The following RHBDF1 variants were observed in gnomAD, a reference collection of about 807,000 sequenced individuals.
RHBDF1 encodes rhomboid 5 homolog 1.
Under a neutral mutation model 98.6 loss-of-function variants are expected in RHBDF1, and 80 were observed. That is an observed-to-expected ratio of 0.81 (90% CI 0.68 to 0.98). The LOEUF (loss-of-function observed/expected upper bound fraction) is 0.98, where lower values mean the gene tolerates loss of function less well. Among genes scored for constraint, RHBDF1 ranks in the 50% least tolerant of loss-of-function variants. The pLI is 0.00. For missense variants in RHBDF1, 1,116 were observed against 1,198.3 expected (o/e 0.93, Z 1.01); for synonymous variants, 512 against 486.8 (o/e 1.05, Z -0.68).
intron 12 of RHBDF1, 62 bp from the exon 13 acceptor site, chr16:60,341 C>A: frequency 6.2e-7 from 1 of 1,607,336 alleles, no homozygotes; most frequent in Non-Finnish European, 8.5e-7. Flanking sequence ...ACCCTTCCAG[C>A]CAAGTCGCCA....
chr16:69,341 G>T (rs1897912595), intron 1 of RHBDF1, among the ~76,000 whole-genome samples: 2 of 152,132 alleles, frequency 1.3e-5, no homozygotes, highest in African/African-American at 2.4e-5. Context: ...CGGCGGAGTT[G>T]ACTGCCAACC....
chr16:65,116 G>A (rs1897794392), intron 1 of RHBDF1, 77 bp from the exon 2 acceptor site: 8 of 1,445,270 alleles, frequency 5.5e-6, no homozygotes, highest in South Asian at 1.5e-5. Context: ...CCGGGAGGAG[G>A]GAGAAGCAGT....
rs1898008013 is a variant in RHBDF1, at chr16:72,604, C to T, written c.-116G>A. On this transcript the variant is annotated 5_prime_UTR_variant, in exon 1 of 18. Transcript: ENST00000262316. ...AGGGCCCGCGCCGAGTCCCCGCCCG[C>T]CCGCCGGTCCGGCCCGCCCGGGAAT... 1.0e-6 allele frequency: 1 copy of T among 977,614 alleles called. No homozygotes were observed. The highest frequency in any genetic ancestry group is 1.8e-5 in the African/African-American group (1 of 56,628). 60.6% of individuals were successfully genotyped at this position (977,614 alleles called of 1,614,324 possible).
Position 59,107 on chromosome 16 carries a change from G to T in RHBDF1, c.2015C>A (p.Ser672Tyr), listed in dbSNP as rs756946244. The T allele has an allele frequency of 6.2e-7, 1 of 1,613,568 alleles. No individual in the cohort carries two copies. The highest frequency in any genetic ancestry group is 1.3e-5 in the African/African-American group (1 of 75,044). ...LHAGILHCLV[S>Y]ICFQMTVLRD... ...CAGGACAGTCATCTGGAAGCAGATG[G>T]ACACCAGGCAGTGCAAGATCCTGTA... The change falls in exon 17 of 18, where the codon TCC becomes TAC. Residue 672 changes from serine (S) to tyrosine (Y), a missense_variant. Ser to Tyr is a moderately radical substitution (Grantham distance 144). Transcript: ENST00000262316.
At chr16:63,461 G>A in intron 4 of RHBDF1, 126 bp downstream of exon 4, 3 of 845,704 alleles carry the variant, frequency 3.5e-6, no homozygotes, top group Non-Finnish European at 5.4e-6. Context: ...CGAGCAGGCT[G>A]TCTGACTGCC....
chr16:65,827 C>T (rs564265109), intron 1 of RHBDF1, among the ~76,000 whole-genome samples: 1 of 152,224 alleles, frequency 6.6e-6, no homozygotes, highest in African/African-American at 2.4e-5. Flanking sequence ...ACCACCCGGG[C>T]GCAGACACCG....
chr16:62,689 T>C lies in RHBDF1; in HGVS notation c.802A>G (p.Ile268Val). ...LDTSFFAREG[I>V]LHEELSTYPD... ...TATGTGGACAGCTCTTCATGGAGGA[T>C]ACCTTCCTGAGCAAACACATGAGGT... Residue 268 changes from isoleucine (I) to valine (V), a missense_variant, in exon 7 of 18, where the codon ATC (isoleucine) becomes GTC (valine). Coordinates refer to ENST00000262316, the MANE Select transcript of RHBDF1 (RefSeq NM_022450.5). 6.2e-7 allele frequency: 1 copy of C among 1,614,102 alleles called. No individual in the cohort carries two copies. Among genetic ancestry groups the C allele is most frequent in the Non-Finnish European group, 8.5e-7 (1 of 1,180,014 alleles).
At chr16:61,336 C>A in intron 10 of RHBDF1, 49 bp downstream of exon 10, 2 of 1,543,888 alleles carry the variant, frequency 1.3e-6, no homozygotes, top group South Asian at 1.2e-5. Context: ...CCCCGCCGGG[C>A]ACCTCCAGGT....
At chr16:69,298 C>T (rs753204264) in intron 1 of RHBDF1, among the ~76,000 whole-genome samples, 2 of 152,168 alleles carry the variant, frequency 1.3e-5, no homozygotes, top group South Asian at 4.1e-4. Context: ...CTGCCCTGCA[C>T]ACTCACAGGA....
chr16:64,903 A>G lies in RHBDF1; in HGVS notation c.113T>C (p.Leu38Pro). ...TCCCTGCAGGCCAGGGCCTACCTGCAGGAAGCTGGGCTCTTCTGCCGTCAG... is the reference window on the plus strand; with the variant it reads ...TCCCTGCAGGCCAGGGCCTACCTGCGGGAAGCTGGGCTCTTCTGCCGTCAG... ...VPLTAEEPSFLQPLRRQAFLR... is the reference protein window; with the variant it reads ...VPLTAEEPSFPQPLRRQAFLR... The change falls in exon 2 of 18, where the codon CTG becomes CCG. Residue 38 changes from leucine to proline, a missense_variant. Physicochemically the swap from Leu to Pro is moderately conservative, Grantham distance 98. Transcript: ENST00000262316. 6.2e-7 allele frequency: 1 copy of G among 1,610,202 alleles called. No homozygotes were observed. The highest frequency in any genetic ancestry group is 1.1e-5 in the South Asian group (1 of 90,936).
rs139694399 is a variant in RHBDF1, at chr16:63,499, C to T, written c.462+88G>A. On this transcript the variant is annotated intron_variant, in intron 4 of 17. Transcript: ENST00000262316. ...TCCAGACTGTGAGCTCCCAGAGAGT[C>T]CCTTCTGCTCAGGCTGGCTGTGTCC... is the stretch of plus-strand genomic sequence containing the variant. 4.9e-5 allele frequency: 57 copies of T among 1,171,244 alleles called. 2 individuals are homozygous for T. The highest frequency in any genetic ancestry group is 5.9e-4 in the Middle Eastern group (2 of 3,392). 72.6% of individuals were successfully genotyped at this position (1,171,244 alleles called of 1,614,324 possible). A position where few individuals can be genotyped will look rare whatever the true frequency, so the allele number is the denominator to read the frequency against.
intron 1 of RHBDF1, among the ~76,000 whole-genome samples, 169 bp downstream of exon 1, chr16:72,344 G>A (rs1897994715): frequency 6.6e-6 from 1 of 151,776 alleles, no homozygotes; most frequent in African/African-American, 2.4e-5. Flanking sequence ...CGGCCGCCCC[G>A]GGGGGGCCTC....
chr16:59,583 C>T (rs1441232531), intron 14 of RHBDF1, 89 bp from the exon 15 acceptor site: 13 of 1,486,064 alleles, frequency 8.7e-6, no homozygotes, highest in Non-Finnish European at 1.1e-5. Flanking sequence ...ACCTACCCAC[C>T]TTTGTTGGCC....
At chr16:59,864 C>T (rs1383674218) in intron 13 of RHBDF1, 38 bp from the exon 14 acceptor site, 1 of 1,613,500 alleles carries the variant, frequency 6.2e-7, no homozygotes, top group Non-Finnish European at 8.5e-7. Context: ...TCAGGGCCTC[C>T]CCCAACCTTT....
At chr16:72,312 G>C (rs1345044407) in intron 1 of RHBDF1, among the ~76,000 whole-genome samples, 1 of 152,058 alleles carries the variant, frequency 6.6e-6, no homozygotes, top group South Asian at 2.1e-4. Context: ...GGGCGACTCG[G>C]GAAACTCCAG....
chr16:61,093 G>A (rs1367500690), intron 11 of RHBDF1, 27 bp downstream of exon 11: 1 of 1,514,982 alleles, frequency 6.6e-7, no homozygotes, highest in Admixed American at 2.0e-5. Context: ...GCAGACGAAG[G>A]CGGGAGTCCC....
rs1897954621 is a variant in RHBDF1 at position 71,035 on chromosome 16, G to A, written c.-25+1478C>T. ...GCCCTCACAGCCAAGAGCAACTGGG[G>A]GTGCCCTGGGCAGGGACTGTAGCTG... is the stretch of plus-strand genomic sequence containing the variant. On this transcript the variant is annotated intron_variant, in intron 1 of 17. Coordinates refer to ENST00000262316, the MANE Select transcript of RHBDF1 (RefSeq NM_022450.5). Among the ~76,000 whole-genome samples, 3 of 152,228 alleles carry A rather than the reference G, an allele frequency of 2.0e-5. No homozygotes were observed. The South Asian group carries it at 6.2e-4, about 31-fold the overall frequency.
chr16:69,440 G>C (rs1897915430), intron 1 of RHBDF1, among the ~76,000 whole-genome samples: 1 of 152,112 alleles, frequency 6.6e-6, no homozygotes, highest in Non-Finnish European at 1.5e-5. Context: ...CCTCACCCCG[G>C]GACACCTTCC....
intron 4 of RHBDF1, 70 bp from the exon 5 acceptor site, chr16:63,252 C>T: frequency 5.3e-6 from 7 of 1,314,930 alleles, no homozygotes; most frequent in Non-Finnish European, 6.2e-6. Context: ...GCACAGAGGC[C>T]TTGCAAAGAC....
Sources: allele counts gnomAD v4.1 joint callset (sites outside exome capture counted in the v4.1 genomes callset), GRCh38; gene constraint gnomAD v4.1.1; transcripts MANE v1.5; gene names NCBI Gene and HGNC (gene_info 2026-07-23, HGNC 2026-07-21).